Variants in ATP8A2 observed in about 807,000 individuals in gnomAD.
ATP8A2 encodes the protein phospholipid-transporting ATPase IB.
In ATP8A2, 100 loss-of-function variants were observed where a neutral mutation model predicts 165.6. That is an observed-to-expected ratio of 0.60 (90% CI 0.51 to 0.71). The LOEUF is 0.71. Among genes scored for constraint, ATP8A2 ranks in the 30% least tolerant of loss-of-function variants. The probability of loss-of-function intolerance (pLI) is 0.00; values close to 1 mark genes in which losing one functional copy is unlikely to be tolerated. For missense variants in ATP8A2, 1,227 were observed against 1,479.5 expected, an observed-to-expected ratio of 0.83 and a Z score of 2.80; for synonymous variants, 543 against 548.8, an observed-to-expected ratio of 0.99 and a Z score of 0.15.
chr13:25,490,738 TTTG>T (rs1363098862), intron 2 of ATP8A2, among the ~76,000 whole-genome samples: 9 of 115,006 alleles, frequency 7.8e-5, no homozygotes, highest in African/African-American at 3.1e-4. Flanking sequence ...TTTTTTTTTG[TTTG>T]TTTGTTTGTT....
intron 24 of ATP8A2, among the ~76,000 whole-genome samples, chr13:25,640,850 C>G (rs1459661141): frequency 6.6e-6 from 1 of 152,180 alleles, no homozygotes; most frequent in African/African-American, 2.4e-5. Flanking sequence ...ATGCAAAAAT[C>G]CTCAATAAAA....
At chr13:25,999,061 G>T (rs1171615449) in intron 35 of ATP8A2, among the ~76,000 whole-genome samples, 2 of 152,198 alleles carry the variant, frequency 1.3e-5, no homozygotes, top group Non-Finnish European at 2.9e-5. Flanking sequence ...AATGGTGAAG[G>T]ATTGAGTTGT....
At chr13:25,680,214 C>T (rs2042456048) in intron 24 of ATP8A2, among the ~76,000 whole-genome samples, 1 of 152,124 alleles carries the variant, frequency 6.6e-6, no homozygotes, top group South Asian at 2.1e-4. Context: ...ATCATGGCAG[C>T]TTAGTTAAGA....
At chr13:25,388,362 T>G (rs1365190768) in intron 1 of ATP8A2, among the ~76,000 whole-genome samples, 2 of 152,080 alleles carry the variant, frequency 1.3e-5, no homozygotes, top group African/African-American at 4.8e-5. Flanking sequence ...GACACTGAGT[T>G]AAAGAAGGAA....
At chr13:25,814,908 T>C (rs1950970721) in intron 27 of ATP8A2, among the ~76,000 whole-genome samples, 1 of 152,046 alleles carries the variant, frequency 6.6e-6, no homozygotes, top group South Asian at 2.1e-4. Context: ...TAGTCCCAGC[T>C]ACTCATGGGG....
rs1239971672 is a variant in ATP8A2, at chr13:25,559,701, G to A, written c.1353-20G>A. ...TTGATCACAGTTTTGTGACCACTCT[G>A]TTTTCCGTTTCTCTGGCAGTCACTT... On this transcript the variant is annotated intron_variant, in intron 14 of 36. Transcript: ENST00000381655. 2 of 1,608,944 alleles carry A rather than the reference G, an allele frequency of 1.2e-6. No individual in the cohort carries two copies. Among genetic ancestry groups the A allele is most frequent in the Admixed American group, 1.7e-5 (1 of 59,990 alleles).
Position 25,530,025 on chromosome 13 carries a change from T to G in ATP8A2, c.248T>G (p.Phe83Cys). Residue 83 changes from phenylalanine (F) to cysteine (C), a missense_variant, in exon 3 of 37, where the codon TTT becomes TGT. This residue lies in a region of ATP8A2 where 356 missense variants were observed against 394.9 expected (regional missense o/e 0.90). Transcript: ENST00000381655. ...ISTAKYSVLT[F>C]LPRFLYEQIR... is the part of the protein sequence containing the mutation. Reference sequence around the variant, plus strand: ...ACGGCCAAGTACAGCGTGTTGACATTTCTACCTCGATTCTTGTATGAGCAG... The same window carrying G: ...ACGGCCAAGTACAGCGTGTTGACATGTCTACCTCGATTCTTGTATGAGCAG... 1 of 1,612,562 alleles carries G rather than the reference T, an allele frequency of 6.2e-7. No individual in the cohort carries two copies. Among genetic ancestry groups the G allele is most frequent in the Non-Finnish European group, 8.5e-7 (1 of 1,178,812 alleles).
At chr13:25,980,456 G>A (rs1334655456) in intron 35 of ATP8A2, among the ~76,000 whole-genome samples, 2 of 152,274 alleles carry the variant, frequency 1.3e-5, no homozygotes, top group Non-Finnish European at 2.9e-5. Flanking sequence ...GGCCTGTAGG[G>A]GGAGTGGGAG....
At chr13:25,379,767 C>A (rs2032772412) in intron 1 of ATP8A2, among the ~76,000 whole-genome samples, 1 of 152,174 alleles carries the variant, frequency 6.6e-6, no homozygotes, top group Non-Finnish European at 1.5e-5. Context: ...CTGCTACGTC[C>A]CCTGCCCCAG....
At chr13:25,531,668 C>T (rs964741265) in intron 4 of ATP8A2, among the ~76,000 whole-genome samples, 4 of 151,842 alleles carry the variant, frequency 2.6e-5, no homozygotes, top group Admixed American at 6.6e-5. Context: ...CTTTTGCATG[C>T]CGACATGATG....
chr13:25,983,865 A>G (rs1342317962), intron 35 of ATP8A2, among the ~76,000 whole-genome samples: 1 of 152,176 alleles, frequency 6.6e-6, no homozygotes, highest in East Asian at 1.9e-4. Flanking sequence ...GTGACATTCC[A>G]GAGTGCCCAA....
chr13:25,644,235 C>T (rs1322833156), intron 24 of ATP8A2, among the ~76,000 whole-genome samples: 1 of 152,074 alleles, frequency 6.6e-6, no homozygotes, highest in East Asian at 1.9e-4. Context: ...ATTTCTTTCT[C>T]TTGCAGAATT....
intron 30 of ATP8A2, among the ~76,000 whole-genome samples, chr13:25,850,536 A>G (rs1426318741): frequency 6.8e-6 from 1 of 146,630 alleles, no homozygotes; most frequent in Non-Finnish European, 1.5e-5. Flanking sequence ...TGCTCTTACC[A>G]TGGTTTGCAC....
chr13:25,904,131 C>T (rs1953855812), intron 33 of ATP8A2, among the ~76,000 whole-genome samples: 1 of 152,164 alleles, frequency 6.6e-6, no homozygotes, highest in African/African-American at 2.4e-5. Context: ...ATCCAAAGTG[C>T]TCTAGCAAGC....
chr13:25,448,012 A>G (rs1264698470), intron 1 of ATP8A2, among the ~76,000 whole-genome samples: 1 of 151,940 alleles, frequency 6.6e-6, no homozygotes, highest in African/African-American at 2.4e-5. Flanking sequence ...CTACCAGTGG[A>G]TCTTGGGGAC....
chr13:25,723,847 C>A (rs2043436138), intron 25 of ATP8A2, among the ~76,000 whole-genome samples: 1 of 151,832 alleles, frequency 6.6e-6, no homozygotes, highest in African/African-American at 2.4e-5. Context: ...TCTGAGCAGG[C>A]CTGACCTATC....
At chr13:25,769,750 C>T (rs2044578432) in intron 26 of ATP8A2, among the ~76,000 whole-genome samples, 1 of 152,146 alleles carries the variant, frequency 6.6e-6, no homozygotes, top group Admixed American at 6.5e-5. Context: ...CAGGACCACC[C>T]CTGTGAGGTG....
intron 7 of ATP8A2, among the ~76,000 whole-genome samples, chr13:25,539,088 T>TGC (rs1555293249): frequency 1.6e-3 from 247 of 150,926 alleles, no homozygotes; most frequent in Middle Eastern, 3.4e-3. Flanking sequence ...TGTGTGTGTG[T>TGC]GTGTGTGTGT....
At chr13:25,497,498 G>A (rs545094527) in intron 2 of ATP8A2, among the ~76,000 whole-genome samples, 15 of 152,176 alleles carry the variant, frequency 9.9e-5, no homozygotes, top group East Asian at 1.9e-4. Context: ...CTGTTTTAAT[G>A]TATGAATGCA....
Sources: allele counts gnomAD v4.1 joint callset (sites outside exome capture counted in the v4.1 genomes callset), GRCh38; gene constraint gnomAD v4.1.1; regional missense constraint gnomAD v4.1.1; transcripts MANE v1.5; gene names NCBI Gene and HGNC (gene_info 2026-07-23, HGNC 2026-07-21).